Variants in CADPS observed in about 807,000 individuals in gnomAD.
CADPS encodes calcium-dependent secretion activator 1.
A neutral mutation model predicts 167.3 loss-of-function variants in CADPS; 57 were observed. The ratio of observed to expected loss-of-function variants is 0.34; its 90% CI spans 0.28 to 0.42. The LOEUF is 0.42. Among genes scored for constraint, CADPS ranks in the 20% least tolerant of loss-of-function variants. The pLI, the probability that CADPS is intolerant of heterozygous loss-of-function variation, is 1.00. For missense variants in CADPS, 1,414 were observed against 1,738.1 expected (o/e 0.81, Z 3.32); for synonymous variants, 676 against 635.3 (o/e 1.06, Z -0.96).
chr3:62,532,797 AG>A (rs2073988246), intron 13 of CADPS, 73 bp downstream of exon 13: 46 of 1,396,016 alleles, frequency 3.3e-5, no homozygotes, highest in Non-Finnish European at 4.2e-5. Context: ...AGATCCTAAA[AG>A]CAAGACTAGC....
At chr3:62,776,379 G>A (rs904888021) in intron 1 of CADPS, among the ~76,000 whole-genome samples, 4 of 152,222 alleles carry the variant, frequency 2.6e-5, no homozygotes, top group African/African-American at 9.6e-5. Context: ...AATTGGCCGG[G>A]CACGGTGGCT....
Position 62,412,797 on chromosome 3 carries a change from A to T in CADPS, c.3778-9612T>A, listed in dbSNP as rs1292117036. Reference sequence around the variant, plus strand: ...AAAAGCAAATCAAGCAGGGGAGTTTAATCCAAAGCTTAGCTTATATGAACT... The same window carrying T: ...AAAAGCAAATCAAGCAGGGGAGTTTTATCCAAAGCTTAGCTTATATGAACT... On this transcript the variant is annotated intron_variant, in intron 28 of 29. Transcript: ENST00000383710. This position sits in a 1 kb window ranked among gnomAD's most constrained non-coding sequence, Gnocchi z 4.1. 6.6e-6 allele frequency among the ~76,000 whole-genome samples: 1 copy of T among 152,178 alleles called. No homozygotes were observed. The highest frequency in any genetic ancestry group is 1.5e-5 in the Non-Finnish European group (1 of 68,038).
intron 1 of CADPS, among the ~76,000 whole-genome samples, chr3:62,848,204 G>A (rs998595531): frequency 7.0e-6 from 1 of 142,756 alleles, no homozygotes; most frequent in Non-Finnish European, 1.5e-5. Context: ...AGTAAGTTGC[G>A]AAAATTTTCT....
intron 13 of CADPS, among the ~76,000 whole-genome samples, chr3:62,530,376 A>C (rs2073370986): frequency 6.6e-6 from 1 of 152,166 alleles, no homozygotes; most frequent in Admixed American, 6.5e-5. Flanking sequence ...CTAAAAAAGC[A>C]ATCTGACTCA....
At chr3:62,441,245 T>G (rs2056261538) in intron 27 of CADPS, 1 of 152,210 alleles carries the variant, frequency 6.6e-6, no homozygotes, top group Non-Finnish European at 1.5e-5. Flanking sequence ...ACAGACTGAT[T>G]GAATATGACA....
intron 3 of CADPS, among the ~76,000 whole-genome samples, chr3:62,672,535 C>G (rs149755201): frequency 6.6e-6 from 1 of 152,154 alleles, no homozygotes. Context: ...TTGTTCTCTA[C>G]GCTCAGACCA....
intron 6 of CADPS, among the ~76,000 whole-genome samples, chr3:62,594,378 G>C (rs1209446176): frequency 6.6e-6 from 1 of 151,810 alleles, no homozygotes; most frequent in East Asian, 1.9e-4. Context: ...AGCCGGGATG[G>C]TCTCGATCTC....
At chr3:62,474,341 A>G (rs1181403440) in intron 23 of CADPS, 21 bp from the exon 24 acceptor site, 1 of 1,612,170 alleles carries the variant, frequency 6.2e-7, no homozygotes. Flanking sequence ...AAAGTAGGAA[A>G]AGACCAATTC....
chr3:62,470,183 C>T (rs551206591), intron 24 of CADPS, among the ~76,000 whole-genome samples: 38 of 152,280 alleles, frequency 2.5e-4, no homozygotes, highest in Admixed American at 2.3e-3. Context: ...GTTTCAGCAG[C>T]TGCCTTTACA....
intron 28 of CADPS, among the ~76,000 whole-genome samples, chr3:62,405,429 G>A (rs1301726534): frequency 6.9e-6 from 1 of 144,218 alleles, no homozygotes; most frequent in Non-Finnish European, 1.5e-5. Context: ...TCTTTGCTGA[G>A]AGACGTGCCA....
intron 13 of CADPS, among the ~76,000 whole-genome samples, chr3:62,523,112 T>C (rs2071134289): frequency 6.6e-6 from 1 of 152,186 alleles, no homozygotes; most frequent in South Asian, 2.1e-4. Context: ...TAGCACCAGT[T>C]CTGTCATCTT....
intron 22 of CADPS, 138 bp downstream of exon 22, chr3:62,481,585 T>C (rs1023913046): frequency 8.1e-6 from 6 of 738,696 alleles, no homozygotes; most frequent in Non-Finnish European, 1.3e-5. Context: ...TAAACAATAT[T>C]GTCTCTGTAT....
chr3:62,512,127 T>G (rs957612965), intron 17 of CADPS, among the ~76,000 whole-genome samples: 4 of 152,114 alleles, frequency 2.6e-5, no homozygotes, highest in Non-Finnish European at 5.9e-5. Flanking sequence ...TGATCCCTAT[T>G]CTAATTTATT....
chr3:62,431,441 A>G (rs1013811415), intron 28 of CADPS, among the ~76,000 whole-genome samples: 2 of 151,800 alleles, frequency 1.3e-5, no homozygotes, highest in Non-Finnish European at 2.9e-5. Flanking sequence ...TTTTCCTTAC[A>G]TACAGAGAAC....
At chr3:62,866,752 G>C (rs935738130) in intron 1 of CADPS, among the ~76,000 whole-genome samples, 4 of 152,046 alleles carry the variant, frequency 2.6e-5, no homozygotes, top group African/African-American at 9.7e-5. Flanking sequence ...TATTTTTACT[G>C]TTACTGATAA....
At chr3:62,644,637 C>T (rs1032082831) in intron 6 of CADPS, among the ~76,000 whole-genome samples, 1 of 152,200 alleles carries the variant, frequency 6.6e-6, no homozygotes, top group African/African-American at 2.4e-5. Context: ...CAAACTCCAG[C>T]CCTGCTGGCC....
chr3:62,799,926 C>T (rs528311155), intron 1 of CADPS, among the ~76,000 whole-genome samples: 2 of 152,270 alleles, frequency 1.3e-5, no homozygotes, highest in African/African-American at 4.8e-5. Context: ...AGAGATAGAG[C>T]TTCTCTGCAG....
intron 16 of CADPS, among the ~76,000 whole-genome samples, chr3:62,513,891 T>C (rs776899745): frequency 6.6e-6 from 1 of 151,998 alleles, no homozygotes; most frequent in Non-Finnish European, 1.5e-5. Flanking sequence ...CCATTCAGCA[T>C]GCCGTGAGTC....
chr3:62,481,793 T>A lies in CADPS; in HGVS notation c.3103A>T (p.Ile1035Phe). 1 of 1,611,512 alleles carries A rather than the reference T, an allele frequency of 6.2e-7. No homozygotes were observed. The highest frequency in any genetic ancestry group is 8.5e-7 in the Non-Finnish European group (1 of 1,179,030). ...LPKVPNLPVNIPLGIPQMPTF... is the reference protein window; with the variant it reads ...LPKVPNLPVNFPLGIPQMPTF... ...GGCATTTGTGGGATGCCTAGAGGGA[T>A]GTTAACTGGTAGATTTGGTACTTTG... The change falls in exon 22 of 30, where the codon ATC becomes TTC. Residue 1035 changes from isoleucine to phenylalanine, a missense_variant. Physicochemically the swap from Ile to Phe is conservative, Grantham distance 21. Around this residue, in one of 6 missense-constraint regions of CADPS, gnomAD observed 529 missense variants for 629.6 expected, o/e 0.84. Coordinates refer to ENST00000383710, the MANE Select transcript of CADPS (RefSeq NM_003716.4).
Sources: allele counts gnomAD v4.1 joint callset (sites outside exome capture counted in the v4.1 genomes callset), GRCh38; gene constraint gnomAD v4.1.1; regional missense constraint gnomAD v4.1.1; non-coding constraint Gnocchi (gnomAD v3.1); transcripts MANE v1.5; gene names NCBI Gene and HGNC (gene_info 2026-07-23, HGNC 2026-07-21).